The following LRRTM4 variants were observed in gnomAD, a reference collection of about 807,000 sequenced individuals.
The protein encoded by LRRTM4 is leucine rich repeat transmembrane neuronal 4.
Under a neutral mutation model 47.6 loss-of-function variants are expected in LRRTM4, and 25 were observed. That is an observed-to-expected ratio of 0.53 (90% CI 0.38 to 0.73). The LOEUF is 0.73. Among genes scored for constraint, LRRTM4 ranks in the 30% least tolerant of loss-of-function variants. The pLI is 0.00. For missense variants in LRRTM4, 638 were observed against 713.4 expected, an observed-to-expected ratio of 0.89 and a Z score of 1.20; for synonymous variants, 311 against 269.5, an observed-to-expected ratio of 1.15 and a Z score of -1.51.
Position 76,748,554 on chromosome 2 carries a change from T to C in LRRTM4, c.*141A>G. ...CTCTTCAAGCAGTTTTTTTTTCTCT[T>C]TTTCTTTTCTCTATGCCATAAATGT... is the stretch of plus-strand genomic sequence containing the variant. On this transcript the variant is annotated 3_prime_UTR_variant, in exon 4 of 4. Transcript: ENST00000409884. 1 of 700,494 alleles carries C rather than the reference T, an allele frequency of 1.4e-6. No homozygotes were observed. 43.4% of individuals were successfully genotyped at this position (700,494 alleles called of 1,614,324 possible).
At chr2:77,009,968 C>T (rs964254974) in intron 3 of LRRTM4, among the ~76,000 whole-genome samples, 3 of 145,502 alleles carry the variant, frequency 2.1e-5, no homozygotes, top group Admixed American at 1.4e-4. Flanking sequence ...GGGCAGGACC[C>T]TTTTTTTAAA....
chr2:76,886,544 G>C (rs916591673), intron 3 of LRRTM4, among the ~76,000 whole-genome samples: 1 of 152,014 alleles, frequency 6.6e-6, no homozygotes, highest in South Asian at 2.1e-4. Flanking sequence ...AGAAAAAAGA[G>C]ATATATATTT....
intron 3 of LRRTM4, among the ~76,000 whole-genome samples, chr2:76,939,287 C>CT (rs1458227777): frequency 2.6e-5 from 4 of 152,080 alleles, no homozygotes; most frequent in Non-Finnish European, 4.4e-5. Flanking sequence ...TTCTGGGAGT[C>CT]TTTGCTTTGC....
chr2:76,760,855 C>T (rs1389598907), intron 3 of LRRTM4, among the ~76,000 whole-genome samples: 1 of 152,198 alleles, frequency 6.6e-6, no homozygotes, highest in African/African-American at 2.4e-5. Flanking sequence ...CAACCCCTGC[C>T]ACCCCGATTC....
intron 3 of LRRTM4, among the ~76,000 whole-genome samples, chr2:77,062,921 A>C (rs1407144759): frequency 6.8e-6 from 1 of 147,050 alleles, no homozygotes; most frequent in African/African-American, 2.5e-5. Flanking sequence ...TTCTGTGTTC[A>C]GTTCCTCTTG....
chr2:76,941,653 T>C (rs913098681), intron 3 of LRRTM4, among the ~76,000 whole-genome samples: 3 of 152,248 alleles, frequency 2.0e-5, no homozygotes, highest in Non-Finnish European at 4.4e-5. Flanking sequence ...TCAACCTTTA[T>C]ATGGCTGCAT....
chr2:77,239,761 A>G (rs547165354), intron 3 of LRRTM4, among the ~76,000 whole-genome samples: 2 of 152,020 alleles, frequency 1.3e-5, no homozygotes, highest in African/African-American at 4.8e-5. Context: ...TTGAATTTAT[A>G]GAGGAAAATT....
Position 77,038,060 on chromosome 2 carries a change from T to A in LRRTM4, c.1552-289144A>T, listed in dbSNP as rs141948288. On this transcript the variant is annotated intron_variant, in intron 3 of 3. Transcript: ENST00000409884. ...TAAGCAGACTTTCTCCCCAGTGATG[T>A]GCCCATCTGTTTCTTTTGTAGACTT... Among the ~76,000 whole-genome samples the A allele has an allele frequency of 3.8e-3, 570 of 151,770 alleles. 1 individual carries two copies. Among genetic ancestry groups the A allele is most frequent in the African/African-American group, 0.013 (539 of 41,516 alleles).
At chr2:76,903,175 T>C (rs1343273806) in intron 3 of LRRTM4, among the ~76,000 whole-genome samples, 1 of 151,870 alleles carries the variant, frequency 6.6e-6, no homozygotes, top group Non-Finnish European at 1.5e-5. Context: ...ATCAAGATCA[T>C]CCTGGCTAAC....
intron 3 of LRRTM4, among the ~76,000 whole-genome samples, chr2:77,308,817 G>A (rs1677363752): frequency 6.8e-6 from 1 of 147,044 alleles, no homozygotes; most frequent in Admixed American, 6.8e-5. Context: ...TTTGGTAGCA[G>A]CCTCTATCCA....
intron 3 of LRRTM4, among the ~76,000 whole-genome samples, chr2:77,140,410 C>T (rs1278656396): frequency 6.6e-6 from 1 of 152,146 alleles, no homozygotes; most frequent in East Asian, 1.9e-4. Flanking sequence ...GCTGGGAAAA[C>T]TGGCTAGCCA....
chr2:76,982,843 C>T (rs10520175), intron 3 of LRRTM4, among the ~76,000 whole-genome samples: 18 of 151,796 alleles, frequency 1.2e-4, no homozygotes, highest in Non-Finnish European at 1.9e-4. Flanking sequence ...GAAACACTTG[C>T]AAATAAGTGA....
chr2:77,134,143 A>G (rs1290319210), intron 3 of LRRTM4, among the ~76,000 whole-genome samples: 2 of 152,122 alleles, frequency 1.3e-5, no homozygotes, highest in African/African-American at 4.8e-5. Flanking sequence ...TCATACTGCA[A>G]ATCCAAAAAT....
At chr2:77,173,722 C>T (rs1474571058) in intron 3 of LRRTM4, among the ~76,000 whole-genome samples, 1 of 152,168 alleles carries the variant, frequency 6.6e-6, no homozygotes, top group South Asian at 2.1e-4. Flanking sequence ...CTGCCTCAGC[C>T]TCCTGAGTAA....
chr2:76,900,592 G>C (rs993989314), intron 3 of LRRTM4, among the ~76,000 whole-genome samples: 4 of 151,940 alleles, frequency 2.6e-5, no homozygotes, highest in Admixed American at 6.6e-5. Context: ...ATGAATAACT[G>C]CCCTCTACCA....
At chr2:76,752,604 G>C (rs1672889882) in intron 3 of LRRTM4, among the ~76,000 whole-genome samples, 1 of 152,000 alleles carries the variant, frequency 6.6e-6, no homozygotes, top group Non-Finnish European at 1.5e-5. Context: ...CTTTGAAAGA[G>C]TATCTGAAAT....
rs1011887288 is a variant in LRRTM4, at chr2:77,269,760, G to T, written c.1551+248558C>A. Among the ~76,000 whole-genome samples the T allele has an allele frequency of 4.6e-5, 7 of 151,954 alleles. 1 individual carries two copies. In the South Asian group the frequency reaches 1.5e-3, roughly 32 times the overall value. On this transcript the variant is annotated intron_variant, in intron 3 of 3. Transcript: ENST00000409884. ...GCCTTTGTTCAACTATGCTTGTTTTGCATATGTTTTATATAAGAATATTAT... is the reference window on the plus strand; with the variant it reads ...GCCTTTGTTCAACTATGCTTGTTTTTCATATGTTTTATATAAGAATATTAT...
At chr2:77,199,039 G>T (rs1387973376) in intron 3 of LRRTM4, among the ~76,000 whole-genome samples, 1 of 152,112 alleles carries the variant, frequency 6.6e-6, no homozygotes, top group African/African-American at 2.4e-5. Flanking sequence ...GGTATCTGTA[G>T]ATCTGTTTTA....
At chr2:76,953,039 A>G (rs1209128898) in intron 3 of LRRTM4, among the ~76,000 whole-genome samples, 5 of 152,040 alleles carry the variant, frequency 3.3e-5, no homozygotes, top group African/African-American at 7.2e-5. Context: ...ACAAGAAAGA[A>G]AAGAATGGGA....
Sources: gnomAD v4.1 joint callset for allele counts (sites outside exome capture counted in the v4.1 genomes callset) on GRCh38, gnomAD v4.1.1 for gene constraint, MANE v1.5 for transcripts, NCBI Gene and HGNC (gene_info 2026-07-23, HGNC 2026-07-21) for gene names.